The following PEBP4 variants were observed in gnomAD, a reference collection of about 807,000 sequenced individuals.
The protein encoded by PEBP4 is phosphatidylethanolamine binding protein 4.
A neutral mutation model predicts 23.9 loss-of-function variants in PEBP4; 22 were observed. The ratio of observed to expected loss-of-function variants is 0.92; its 90% CI spans 0.66 to 1.31. The LOEUF (loss-of-function observed/expected upper bound fraction) is 1.31, where lower values mean the gene tolerates loss of function less well. Among genes scored for constraint, PEBP4 ranks in the 40% most tolerant of loss-of-function variants. The probability of loss-of-function intolerance (pLI) is 0.00; values close to 1 mark genes in which losing one functional copy is unlikely to be tolerated. For synonymous variants in PEBP4, 112 were observed against 99.3 expected (o/e 1.13, Z -0.76); for missense variants, 324 against 281.7 (o/e 1.15, Z -1.07).
chr8:22,727,203 T>A lies in PEBP4; in HGVS notation c.375A>T (p.Lys125Asn), dbSNP rs535260633. The change falls in exon 5 of 7, where the codon AAA becomes AAT. Residue 125 changes from lysine to asparagine, a missense_variant. By Grantham distance (94) the Lys-to-Asn change is moderately conservative. Transcript: ENST00000256404. The stretch of plus-strand genomic sequence containing the variant: ...ATAACTCCTGGCCCTGAATCTTCCC[T>A]TTCTTCAGGTCGGCGCCCTGAAAGA... ...VTDIKGADLKKGKIQGQELSA... is the reference protein window; with the variant it reads ...VTDIKGADLKNGKIQGQELSA... The A allele has an allele frequency of 1.9e-5, 30 of 1,613,964 alleles. No individual in the cohort carries two copies. In the South Asian group the frequency reaches 3.1e-4, roughly 17 times the overall value.
At chr8:22,887,869 C>T (rs966656713) in intron 3 of PEBP4, 3 of 152,196 alleles carry the variant, frequency 2.0e-5, no homozygotes, top group African/African-American at 7.2e-5. Context: ...CGCATGCGCG[C>T]ATGCACACGC....
At chr8:22,797,267 A>C (rs1015925511) in intron 4 of PEBP4, among the ~76,000 whole-genome samples, 1 of 151,666 alleles carries the variant, frequency 6.6e-6, no homozygotes, top group Admixed American at 6.6e-5. Context: ...AAAAAAAAAA[A>C]AAAAAGACAG....
chr8:22,823,837 G>T (rs150906708), intron 3 of PEBP4, among the ~76,000 whole-genome samples: 7 of 152,214 alleles, frequency 4.6e-5, no homozygotes, highest in African/African-American at 1.7e-4. Flanking sequence ...TGAACAGCAT[G>T]AATGGGTAAC....
chr8:22,717,576 C>A (rs1804440296), intron 6 of PEBP4, among the ~76,000 whole-genome samples: 1 of 152,214 alleles, frequency 6.6e-6, no homozygotes, highest in South Asian at 2.1e-4. Flanking sequence ...GGCTGGAGAA[C>A]AAGGAGTGGG....
At chr8:22,772,980 T>A (rs1427097993) in intron 4 of PEBP4, among the ~76,000 whole-genome samples, 1 of 152,122 alleles carries the variant, frequency 6.6e-6, no homozygotes, top group Admixed American at 6.5e-5. Context: ...TCTTTAAACT[T>A]CAAAGGAACA....
intron 4 of PEBP4, among the ~76,000 whole-genome samples, chr8:22,815,858 G>T (rs1299976231): frequency 6.6e-6 from 1 of 152,134 alleles, no homozygotes; most frequent in South Asian, 2.1e-4. Context: ...AGGAGTCGGG[G>T]GTCTTCAGGC....
chr8:22,751,012 T>G (rs1805244043), intron 4 of PEBP4, among the ~76,000 whole-genome samples: 1 of 152,148 alleles, frequency 6.6e-6, no homozygotes, highest in South Asian at 2.1e-4. Context: ...CACATTCAAG[T>G]GTTGACAAGA....
chr8:22,758,497 G>A (rs967578409), intron 4 of PEBP4, among the ~76,000 whole-genome samples: 11 of 152,324 alleles, frequency 7.2e-5, no homozygotes, highest in South Asian at 2.1e-4. Context: ...GTGGGCTGTC[G>A]TTTGCAGGGG....
chr8:22,784,145 C>A (rs1396642323), intron 4 of PEBP4, among the ~76,000 whole-genome samples: 1 of 152,192 alleles, frequency 6.6e-6, no homozygotes, highest in African/African-American at 2.4e-5. Flanking sequence ...CCCTGGCCCA[C>A]AGCAGGTGCC....
rs574479377 is a variant in PEBP4, at chr8:22,789,450, T to C, written c.357+28187A>G. On this transcript the variant is annotated intron_variant, in intron 4 of 6. Coordinates refer to ENST00000256404, the MANE Select transcript of PEBP4 (RefSeq NM_144962.3). ...GGGTCGTCCAACCTTCAGTTTATGC[T>C]GGTACGTTTGCCACCCCTCAGAGAG... Among the ~76,000 whole-genome samples, 6 of 152,288 alleles carry C rather than the reference T, an allele frequency of 3.9e-5. No homozygotes were observed. In the South Asian group the frequency reaches 1.2e-3, roughly 32 times the overall value.
intron 4 of PEBP4, among the ~76,000 whole-genome samples, chr8:22,805,217 G>A (rs1366983890): frequency 6.6e-6 from 1 of 152,266 alleles, no homozygotes; most frequent in African/African-American, 2.4e-5. Flanking sequence ...ACGTCGTGAT[G>A]CATTTGTCCA....
chr8:22,799,444 G>C (rs1269982097), intron 4 of PEBP4, among the ~76,000 whole-genome samples: 1 of 152,232 alleles, frequency 6.6e-6, no homozygotes, highest in Non-Finnish European at 1.5e-5. Flanking sequence ...GATAATTCGG[G>C]AGCTGGGGAT....
At chr8:22,876,707 A>G (rs1808129719) in intron 3 of PEBP4, among the ~76,000 whole-genome samples, 1 of 152,268 alleles carries the variant, frequency 6.6e-6, no homozygotes, top group South Asian at 2.1e-4. Context: ...GTGTAAAATT[A>G]GAAGTAAATA....
chr8:22,858,784 T>C (rs1052691069), intron 3 of PEBP4, among the ~76,000 whole-genome samples: 26 of 152,256 alleles, frequency 1.7e-4, no homozygotes, highest in African/African-American at 5.8e-4. Context: ...CCGTCTTTAC[T>C]AAAAATATAA....
intron 4 of PEBP4, among the ~76,000 whole-genome samples, chr8:22,765,183 G>A (rs1017372026): frequency 6.8e-5 from 10 of 146,402 alleles, no homozygotes; most frequent in East Asian, 2.1e-4. Flanking sequence ...TTGATGCGAC[G>A]TCCAGGTAGG....
intron 3 of PEBP4, among the ~76,000 whole-genome samples, chr8:22,918,129 A>G (rs1382617893): frequency 6.6e-6 from 1 of 152,224 alleles, no homozygotes; most frequent in Non-Finnish European, 1.5e-5. Context: ...CTTAAATGAA[A>G]GGTCCGAGTA....
At chr8:22,906,511 A>C (rs561883416) in intron 3 of PEBP4, among the ~76,000 whole-genome samples, 3 of 152,328 alleles carry the variant, frequency 2.0e-5, no homozygotes, top group Admixed American at 6.5e-5. Context: ...AATCTTTAAA[A>C]AAACAAACAA....
At chr8:22,861,345 A>G (rs960976791) in intron 3 of PEBP4, among the ~76,000 whole-genome samples, 4 of 152,214 alleles carry the variant, frequency 2.6e-5, no homozygotes, top group Non-Finnish European at 5.9e-5. Context: ...AGTGCTTTCC[A>G]TAGACTAATT....
chr8:22,844,150 A>G (rs1807380144), intron 3 of PEBP4, among the ~76,000 whole-genome samples: 1 of 152,252 alleles, frequency 6.6e-6, no homozygotes, highest in African/African-American at 2.4e-5. Flanking sequence ...GGCATTTTCC[A>G]GCTGACAGAG....
Sources: gnomAD v4.1 joint callset for allele counts (sites outside exome capture counted in the v4.1 genomes callset) on GRCh38, gnomAD v4.1.1 for gene constraint, MANE v1.5 for transcripts, NCBI Gene and HGNC (gene_info 2026-07-23, HGNC 2026-07-21) for gene names.